Variants in ERC1 observed in about 807,000 individuals in gnomAD.
ERC1 encodes ELKS/RAB6-interacting/CAST family member 1, also known as RAB6 interacting protein 2.
A neutral mutation model predicts 132.0 loss-of-function variants in ERC1; 56 were observed. The ratio of observed to expected loss-of-function variants is 0.42; its 90% CI spans 0.34 to 0.53. The LOEUF is 0.53. Among genes scored for constraint, ERC1 ranks in the 20% least tolerant of loss-of-function variants. ERC1 has a pLI of 0.03. For missense variants in ERC1, 1,202 were observed against 1,349.9 expected (o/e 0.89, Z 1.72); for synonymous variants, 478 against 476.1 (o/e 1.00, Z -0.05).
At chr12:1,289,802 C>T in intron 14 of ERC1, 50 bp from the exon 15 acceptor site, 1 of 1,530,978 alleles carries the variant, frequency 6.5e-7, no homozygotes, top group South Asian at 1.1e-5. Context: ...GGTCCTCTGA[C>T]TCTGATTGAT....
intron 12 of ERC1, among the ~76,000 whole-genome samples, chr12:1,198,783 G>A (rs944774120): frequency 6.6e-6 from 1 of 152,092 alleles, no homozygotes; most frequent in Non-Finnish European, 1.5e-5. Flanking sequence ...GAGAGAGAGA[G>A]CCAGCAAAGG....
At chr12:1,105,371 T>A (rs1011884861) in intron 4 of ERC1, among the ~76,000 whole-genome samples, 3 of 152,280 alleles carry the variant, frequency 2.0e-5, no homozygotes, top group African/African-American at 7.2e-5. Flanking sequence ...TTATTTTTAT[T>A]TTTTGAGATG....
At chr12:1,358,235 A>C (rs548485755) in intron 15 of ERC1, among the ~76,000 whole-genome samples, 1 of 148,220 alleles carries the variant, frequency 6.7e-6, no homozygotes, top group Non-Finnish European at 1.5e-5. Context: ...AAAAAACACT[A>C]AACTTTTTTT....
intron 17 of ERC1, among the ~76,000 whole-genome samples, chr12:1,426,677 T>C (rs1317008886): frequency 6.6e-6 from 1 of 152,212 alleles, no homozygotes; most frequent in Non-Finnish European, 1.5e-5. Flanking sequence ...TAGTGTGGTA[T>C]AGTAATGCAT....
chr12:1,059,162 A>G (rs1021006325), intron 2 of ERC1, among the ~76,000 whole-genome samples: 1 of 152,152 alleles, frequency 6.6e-6, no homozygotes, highest in Admixed American at 6.6e-5. Flanking sequence ...TGGAAATGCT[A>G]CTGATTTTTA....
chr12:1,010,975 T>A (rs1403355733), intron 1 of ERC1, among the ~76,000 whole-genome samples: 2 of 152,144 alleles, frequency 1.3e-5, no homozygotes, highest in Non-Finnish European at 2.9e-5. Context: ...GCCTTATTTG[T>A]GGTAGTTTCA....
At chr12:1,174,378 A>G (rs1019725211) in intron 8 of ERC1, among the ~76,000 whole-genome samples, 1 of 152,240 alleles carries the variant, frequency 6.6e-6, no homozygotes, top group South Asian at 2.1e-4. Flanking sequence ...GAGTCTGAGA[A>G]TAGCCATCCC....
At chr12:1,349,921 A>G (rs76044069) in intron 15 of ERC1, among the ~76,000 whole-genome samples, 217 of 152,312 alleles carry the variant, frequency 1.4e-3, no homozygotes, top group African/African-American at 5.0e-3. Context: ...CACTGACTGC[A>G]GCCTAGGTCT....
chr12:1,042,170 T>A (rs1970323320), intron 2 of ERC1, among the ~76,000 whole-genome samples: 4 of 152,110 alleles, frequency 2.6e-5, no homozygotes, highest in African/African-American at 9.6e-5. Flanking sequence ...CCCGAGTAGC[T>A]GGGACTACAG....
intron 17 of ERC1, among the ~76,000 whole-genome samples, chr12:1,423,645 A>G (rs1211886869): frequency 1.3e-5 from 2 of 152,232 alleles, no homozygotes; most frequent in African/African-American, 4.8e-5. Context: ...TTGTAGAGGG[A>G]GAGGTCTGTT....
intron 15 of ERC1, among the ~76,000 whole-genome samples, chr12:1,325,808 A>G (rs2082407750): frequency 6.6e-6 from 1 of 152,078 alleles, no homozygotes; most frequent in Non-Finnish European, 1.5e-5. Flanking sequence ...TTTCTCTTTT[A>G]TAATATAAGA....
At chr12:1,180,305 G>A (rs561054421) in intron 8 of ERC1, among the ~76,000 whole-genome samples, 71 of 141,348 alleles carry the variant, frequency 5.0e-4, no homozygotes, top group African/African-American at 1.9e-3. Flanking sequence ...GTGCGCGCGC[G>A]CATACACATG....
intron 17 of ERC1, among the ~76,000 whole-genome samples, chr12:1,433,046 T>G (rs1021620158): frequency 6.6e-6 from 1 of 152,210 alleles, no homozygotes; most frequent in African/African-American, 2.4e-5. Flanking sequence ...TACTAAAGGA[T>G]GGACTACTGT....
chr12:1,357,167 A>T (rs1435431496), intron 15 of ERC1, among the ~76,000 whole-genome samples: 1 of 152,190 alleles, frequency 6.6e-6, no homozygotes, highest in East Asian at 1.9e-4. Flanking sequence ...TCCCAAAATT[A>T]GATGTTCTAT....
chr12:1,374,506 A>G (rs1467876140), intron 16 of ERC1, among the ~76,000 whole-genome samples: 1 of 152,194 alleles, frequency 6.6e-6, no homozygotes, highest in Non-Finnish European at 1.5e-5. Context: ...GCTGTCTAAC[A>G]AACTCCAGAT....
chr12:1,025,920 C>T (rs1268898573), intron 1 of ERC1, among the ~76,000 whole-genome samples: 1 of 151,918 alleles, frequency 6.6e-6, no homozygotes, highest in Non-Finnish European at 1.5e-5. Flanking sequence ...CCTCAGCCTC[C>T]TGAGTGGCTG....
At chr12:1,390,013 C>G (rs2089806452) in intron 16 of ERC1, among the ~76,000 whole-genome samples, 1 of 152,166 alleles carries the variant, frequency 6.6e-6, no homozygotes, top group African/African-American at 2.4e-5. Flanking sequence ...CATTAATTTC[C>G]TCTCCACTCA....
intron 15 of ERC1, among the ~76,000 whole-genome samples, chr12:1,363,686 C>T (rs1000399734): frequency 3.3e-5 from 5 of 151,766 alleles, no homozygotes; most frequent in Admixed American, 3.3e-4. Flanking sequence ...CCCCAGGTAG[C>T]TGGGACTATA....
intron 15 of ERC1, among the ~76,000 whole-genome samples, chr12:1,306,509 T>C (rs979760176): frequency 1.2e-4 from 18 of 152,226 alleles, no homozygotes; most frequent in African/African-American, 4.1e-4. Flanking sequence ...CTAGGTCTGA[T>C]TTTTTTGTTG....
Sources: allele counts gnomAD v4.1 joint callset (sites outside exome capture counted in the v4.1 genomes callset), GRCh38; gene constraint gnomAD v4.1.1; transcripts MANE v1.5; gene names NCBI Gene and HGNC (gene_info 2026-07-23, HGNC 2026-07-21).